Variants in SLC44A5 observed in about 807,000 individuals in gnomAD.
The protein encoded by SLC44A5 is choline transporter-like protein 5.
Under a neutral mutation model 101.8 loss-of-function variants are expected in SLC44A5, and 57 were observed. That is an observed-to-expected ratio of 0.56 (90% CI 0.45 to 0.70). The LOEUF (loss-of-function observed/expected upper bound fraction) is 0.70. Ranked by LOEUF, SLC44A5 falls within the 30% of genes least tolerant of loss-of-function variation. SLC44A5 has a pLI of 0.00. For missense variants in SLC44A5, 737 were observed against 853.1 expected (o/e 0.86, Z 1.70); for synonymous variants, 281 against 290.9 (o/e 0.97, Z 0.35).
chr1:75,412,724 A>G (rs907159248), intron 2 of SLC44A5, among the ~76,000 whole-genome samples: 3 of 152,216 alleles, frequency 2.0e-5, no homozygotes, highest in Admixed American at 6.5e-5. Flanking sequence ...TTTAAATTGT[A>G]TACTGTTCTG....
At chr1:75,307,059 A>C (rs1028782419) in intron 4 of SLC44A5, among the ~76,000 whole-genome samples, 34 of 152,108 alleles carry the variant, frequency 2.2e-4, no homozygotes, top group Non-Finnish European at 4.3e-4. Flanking sequence ...TTTGTGGCAG[A>C]TGAAATTCCA....
intron 6 of SLC44A5, among the ~76,000 whole-genome samples, chr1:75,263,329 C>A (rs1229546483): frequency 1.3e-5 from 2 of 152,096 alleles, no homozygotes; most frequent in African/African-American, 4.8e-5. Flanking sequence ...AGGATATGAA[C>A]AGACACTTCT....
chr1:75,672,416 C>T, the SLC44A5 span, among the ~76,000 whole-genome samples: 1 of 152,038 alleles, frequency 6.6e-6, no homozygotes. Flanking sequence ...CAGCCCTAGC[C>T]AGAGGTGAAT....
At chr1:75,431,428 T>C (rs770298494) in intron 2 of SLC44A5, among the ~76,000 whole-genome samples, 11 of 152,190 alleles carry the variant, frequency 7.2e-5, no homozygotes, top group Non-Finnish European at 1.6e-4. Context: ...TGGGTTACAC[T>C]ACTTTAAATG....
At chr1:75,251,090 A>G in intron 7 of SLC44A5, 120 bp downstream of exon 7, 2 of 741,164 alleles carry the variant, frequency 2.7e-6, no homozygotes, top group South Asian at 1.6e-5. Flanking sequence ...TCGTCTAGAA[A>G]TTCATAATGA....
rs115622475 is a variant in SLC44A5, at chr1:75,509,150, C to T, written c.13+32285G>A. On this transcript the variant is annotated intron_variant, in intron 2 of 23. Transcript: ENST00000370859. ...CATGCCCCACACCTCGTGCTTCACACTGAGATAAAAACTACTATGAAGGAA... is the reference window on the plus strand; with the variant it reads ...CATGCCCCACACCTCGTGCTTCACATTGAGATAAAAACTACTATGAAGGAA... 4.8e-3 allele frequency among the ~76,000 whole-genome samples: 725 copies of T among 152,262 alleles called. 2 individuals carry two copies. Among genetic ancestry groups the T allele is most frequent in the African/African-American group, 0.017 (698 of 41,552 alleles).
chr1:75,660,300 A>T, the SLC44A5 span, among the ~76,000 whole-genome samples: 1 of 152,214 alleles, frequency 6.6e-6, no homozygotes, highest in Non-Finnish European at 1.5e-5. Context: ...TGATGAAAAC[A>T]TTTGACAAAC....
chr1:75,415,676 G>T (rs187955553), intron 2 of SLC44A5, among the ~76,000 whole-genome samples: 1 of 152,304 alleles, frequency 6.6e-6, no homozygotes, highest in East Asian at 1.9e-4. Context: ...GAGATTTGTT[G>T]AATGGCTCTG....
At chr1:75,545,587 C>A in intron 1 of SLC44A5, among the ~76,000 whole-genome samples, 1 of 152,150 alleles carries the variant, frequency 6.6e-6, no homozygotes, top group East Asian at 1.9e-4. Flanking sequence ...GTGATGTTAA[C>A]TTTGACTACT....
chr1:75,307,472 G>C (rs1030377181), intron 4 of SLC44A5, among the ~76,000 whole-genome samples: 1 of 152,192 alleles, frequency 6.6e-6, no homozygotes, highest in Non-Finnish European at 1.5e-5. Context: ...GCTTCACTGA[G>C]ATACGTTTGG....
chr1:75,486,910 A>G (rs1668181943), intron 2 of SLC44A5, among the ~76,000 whole-genome samples: 1 of 152,232 alleles, frequency 6.6e-6, no homozygotes, highest in Admixed American at 6.5e-5. Flanking sequence ...CTTCCCAAAT[A>G]TATCATGGAA....
At chr1:75,579,999 C>A (rs1275616049) in intron 1 of SLC44A5, among the ~76,000 whole-genome samples, 1 of 152,014 alleles carries the variant, frequency 6.6e-6, no homozygotes. Context: ...ATTTTCCATG[C>A]ATATTTTTAC....
chr1:75,623,136 T>C, the SLC44A5 span, among the ~76,000 whole-genome samples: 1 of 152,158 alleles, frequency 6.6e-6, no homozygotes, highest in African/African-American at 2.4e-5. Context: ...CATACATTCA[T>C]AGTATTTACA....
chr1:75,330,139 A>G (rs919400483), intron 4 of SLC44A5, among the ~76,000 whole-genome samples: 1 of 137,664 alleles, frequency 7.3e-6, no homozygotes, highest in Non-Finnish European at 1.5e-5. Context: ...ACACACACAC[A>G]CATGCATATA....
chr1:75,337,925 C>T (rs1356474302), intron 4 of SLC44A5, among the ~76,000 whole-genome samples: 1 of 152,180 alleles, frequency 6.6e-6, no homozygotes, highest in Non-Finnish European at 1.5e-5. Flanking sequence ...GATGTAAGCA[C>T]AAGGTGTTAT....
rs150989802 is a variant in SLC44A5 at position 75,226,788 on chromosome 1, T to C, written c.985+938A>G. ...GAAAATCTTGATTAAAGAACACAAA[T>C]CTTACAAGGAGTATTACAATAACAC... On this transcript the variant is annotated intron_variant, in intron 13 of 23. Transcript: ENST00000370859. Among the ~76,000 whole-genome samples the C allele has an allele frequency of 5.1e-3, 783 of 152,194 alleles. 4 individuals carry two copies. The highest frequency in any genetic ancestry group is 0.018 in the African/African-American group (755 of 41,544).
intron 2 of SLC44A5, among the ~76,000 whole-genome samples, chr1:75,537,034 A>AAAATATATATATATATG (rs1553199990): frequency 5.4e-5 from 1 of 18,648 alleles, no homozygotes; most frequent in African/African-American, 1.0e-4. Flanking sequence ...AAAAAAAAAA[A>AAAATATATATATATATG]TATATATCTA....
chr1:75,241,411 A>G (rs980664228), intron 9 of SLC44A5, among the ~76,000 whole-genome samples: 8 of 151,970 alleles, frequency 5.3e-5, no homozygotes, highest in African/African-American at 1.9e-4. Context: ...AAATTTTTGT[A>G]GAGACAGGGT....
At chr1:75,648,911 G>A in the SLC44A5 span, among the ~76,000 whole-genome samples, 6 of 152,126 alleles carry the variant, frequency 3.9e-5, no homozygotes, top group Non-Finnish European at 8.8e-5. Flanking sequence ...ATATATTACA[G>A]CTGTTGCAGA....
Sources: allele counts gnomAD v4.1 joint callset (sites outside exome capture counted in the v4.1 genomes callset), GRCh38; gene constraint gnomAD v4.1.1; transcripts MANE v1.5; gene names NCBI Gene and HGNC (gene_info 2026-07-23, HGNC 2026-07-21).